MEMO1: variants seen among roughly 807,000 people sequenced by gnomAD.
The protein encoded by MEMO1 is protein MEMO1.
In MEMO1, 6 loss-of-function variants were observed where a neutral mutation model predicts 45.2. The observed-to-expected ratio is 0.13, with a 90% CI of 0.07 to 0.26. The LOEUF is 0.26. Among genes scored for constraint, MEMO1 ranks in the 10% least tolerant of loss-of-function variants. The pLI is 1.00. For missense variants in MEMO1, 184 were observed against 370.5 expected, an observed-to-expected ratio of 0.50 and a Z score of 4.13; for synonymous variants, 78 against 124.3, an observed-to-expected ratio of 0.63 and a Z score of 2.48.
At chr2:31,901,422 C>T (rs768094769) in intron 6 of MEMO1, among the ~76,000 whole-genome samples, 11 of 145,386 alleles carry the variant, frequency 7.6e-5, no homozygotes, top group East Asian at 2.0e-4. Flanking sequence ...CCAAGACATG[C>T]GACAACAGGG....
chr2:31,989,185 G>A (rs902187185), intron 2 of MEMO1, among the ~76,000 whole-genome samples: 4 of 149,856 alleles, frequency 2.7e-5, no homozygotes, highest in Admixed American at 6.7e-5. Context: ...CCAAGATCGC[G>A]CCATTGCACT....
In MEMO1 at chr2:31,925,508, C is replaced by T. The variant is rs972097073; in HGVS notation, c.213-4598G>A. Among the ~76,000 whole-genome samples the T allele has an allele frequency of 1.1e-4, 12 of 113,426 alleles. No homozygotes were observed. In the South Asian group the frequency reaches 1.3e-3, roughly 13 times the overall value. The allele number at this position is 113,426 out of a possible 152,430, so 74.4% of individuals were successfully genotyped here. The stretch of plus-strand genomic sequence containing the variant: ...AAAAAAAAAAAAAAAAATCTGTTCC[C>T]GGAGATACTTTCCCCAATACCTTTC... On this transcript the variant is annotated intron_variant, in intron 4 of 9. Transcript: ENST00000404530.
intron 2 of MEMO1, among the ~76,000 whole-genome samples, chr2:31,995,284 T>A (rs747779944): frequency 2.6e-5 from 4 of 151,832 alleles, no homozygotes; most frequent in Non-Finnish European, 5.9e-5. Context: ...AAACCTCATC[T>A]CTACTAAAAA....
chr2:31,936,825 C>T (rs762570824), intron 3 of MEMO1, among the ~76,000 whole-genome samples: 1 of 152,154 alleles, frequency 6.6e-6, no homozygotes, highest in Non-Finnish European at 1.5e-5. Flanking sequence ...GAATACTTAA[C>T]TAAGATTCAA....
intron 2 of MEMO1, among the ~76,000 whole-genome samples, chr2:31,955,689 A>G (rs1395845219): frequency 6.6e-6 from 1 of 151,852 alleles, no homozygotes; most frequent in African/African-American, 2.4e-5. Flanking sequence ...GCTCACTGCA[A>G]CCTCCACCTC....
chr2:31,906,847 A>G (rs1046059540), intron 6 of MEMO1, among the ~76,000 whole-genome samples: 2 of 152,150 alleles, frequency 1.3e-5, no homozygotes, highest in Non-Finnish European at 2.9e-5. Flanking sequence ...GGGTGGTGTT[A>G]CGTATGTGTG....
chr2:31,982,441 T>C (rs1438038111), intron 2 of MEMO1, among the ~76,000 whole-genome samples: 1 of 150,284 alleles, frequency 6.7e-6, no homozygotes, highest in Non-Finnish European at 1.5e-5. Flanking sequence ...AATGCAAAAA[T>C]TAGCTGGGCA....
chr2:31,868,266 C>G lies in MEMO1; in HGVS notation c.*95G>C. On this transcript the variant is annotated 3_prime_UTR_variant, in exon 10 of 10. Transcript: ENST00000404530. ...TCTATTAGTTTGAGGTTTCAGAATC[C>G]CCCCAAACCAGGACCAGTATCGTGG... 7.9e-7 allele frequency: 1 copy of G among 1,261,758 alleles called. No homozygotes were observed. The highest frequency in any genetic ancestry group is 3.1e-4 in the Middle Eastern group (1 of 3,278). 78.2% of individuals were successfully genotyped at this position (1,261,758 alleles called of 1,614,324 possible). A position where few individuals can be genotyped will look rare whatever the true frequency, so the allele number is the denominator to read the frequency against.
chr2:31,977,666 A>G (rs1378433036), intron 2 of MEMO1, among the ~76,000 whole-genome samples: 2 of 152,056 alleles, frequency 1.3e-5, no homozygotes, highest in Admixed American at 6.6e-5. Flanking sequence ...GGTGTGCGCC[A>G]CCACTGCCAC....
intron 7 of MEMO1, among the ~76,000 whole-genome samples, chr2:31,885,170 A>G (rs1240550741): frequency 6.6e-6 from 1 of 152,066 alleles, no homozygotes; most frequent in Non-Finnish European, 1.5e-5. Context: ...CCCAGGCTAG[A>G]GTGCAGTGGT....
intron 2 of MEMO1, among the ~76,000 whole-genome samples, chr2:31,949,052 C>T (rs1477095906): frequency 6.6e-6 from 1 of 152,136 alleles, no homozygotes; most frequent in Non-Finnish European, 1.5e-5. Context: ...ATCAAAACTA[C>T]AATGAGATAT....
chr2:31,936,701 T>C (rs979591761), intron 3 of MEMO1, among the ~76,000 whole-genome samples: 1 of 152,208 alleles, frequency 6.6e-6, no homozygotes, highest in Admixed American at 6.5e-5. Flanking sequence ...TTTTCACTTG[T>C]TCATTCTGAG....
intron 4 of MEMO1, among the ~76,000 whole-genome samples, chr2:31,928,119 A>T (rs1683382197): frequency 6.6e-6 from 1 of 152,200 alleles, no homozygotes; most frequent in Non-Finnish European, 1.5e-5. Context: ...GGAAAACAAC[A>T]CCTGAAAACC....
intron 4 of MEMO1, among the ~76,000 whole-genome samples, chr2:31,926,456 A>G (rs999568492): frequency 6.6e-6 from 1 of 152,142 alleles, no homozygotes; most frequent in African/African-American, 2.4e-5. Flanking sequence ...AAGGTTTTCA[A>G]GTGAAAATTG....
At chr2:31,943,778 A>G (rs534462140) in intron 2 of MEMO1, among the ~76,000 whole-genome samples, 1 of 152,312 alleles carries the variant, frequency 6.6e-6, no homozygotes, top group Admixed American at 6.5e-5. Context: ...CTGAAATGAC[A>G]TCCACAGAAG....
chr2:31,898,889 G>A (rs1678307694), intron 6 of MEMO1, among the ~76,000 whole-genome samples: 1 of 152,138 alleles, frequency 6.6e-6, no homozygotes, highest in Non-Finnish European at 1.5e-5. Context: ...ATGAATCTGG[G>A]TGCTCCTGTA....
intron 4 of MEMO1, among the ~76,000 whole-genome samples, chr2:31,929,204 C>A (rs1248823020): frequency 6.6e-6 from 1 of 151,936 alleles, no homozygotes; most frequent in Non-Finnish European, 1.5e-5. Context: ...AAACATATTT[C>A]CATTTTTATT....
chr2:31,869,423 C>A (rs1673335605), intron 9 of MEMO1, among the ~76,000 whole-genome samples: 1 of 152,036 alleles, frequency 6.6e-6, no homozygotes, highest in Admixed American at 6.5e-5. Context: ...GAGAAAAACA[C>A]ACATCATCTG....
intron 2 of MEMO1, among the ~76,000 whole-genome samples, chr2:31,981,081 A>C (rs1670579690): frequency 6.6e-6 from 1 of 152,216 alleles, no homozygotes; most frequent in African/African-American, 2.4e-5. Flanking sequence ...CTAATGTCAA[A>C]ATAGTAGAGA....
Sources: gnomAD v4.1 joint callset for allele counts (sites outside exome capture counted in the v4.1 genomes callset) on GRCh38, gnomAD v4.1.1 for gene constraint, MANE v1.5 for transcripts, NCBI Gene and HGNC (gene_info 2026-07-23, HGNC 2026-07-21) for gene names.